Variants in FOXK2 observed in about 807,000 individuals in gnomAD.
The protein encoded by FOXK2 is forkhead box protein K2.
FOXK2 carries 24 observed loss-of-function variants against 53.3 expected under a neutral mutation model. The ratio of observed to expected loss-of-function variants is 0.45; its 90% CI spans 0.33 to 0.63. The LOEUF is 0.63. FOXK2 is among the 30% of genes least tolerant of loss of function. The pLI is 0.03. For missense variants in FOXK2, 952 were observed against 910.5 expected (o/e 1.05, Z -0.59); for synonymous variants, 505 against 407.1 (o/e 1.24, Z -2.89).
chr17:82,548,345 A>C (rs578135436), intron 1 of FOXK2, among the ~76,000 whole-genome samples: 2 of 152,128 alleles, frequency 1.3e-5, no homozygotes, highest in African/African-American at 4.8e-5. Context: ...GTGGTATGTC[A>C]GTATGTGTAT....
At position 82,538,219 on chromosome 17, in the gene FOXK2, T is replaced by C. The variant is rs145773251; in HGVS notation, c.419+17912T>C. On this transcript the variant is annotated intron_variant, in intron 1 of 8. Coordinates refer to ENST00000335255, the MANE Select transcript of FOXK2 (RefSeq NM_004514.4). Reference sequence around the variant, plus strand: ...GCCTGGGCGACTGAGCAAGACTCCGTCTGAAAAAAGAAAAAAAAGATATAG... The same window carrying C: ...GCCTGGGCGACTGAGCAAGACTCCGCCTGAAAAAAGAAAAAAAAGATATAG... Among the ~76,000 whole-genome samples the C allele has an allele frequency of 2.5e-3, 375 of 151,644 alleles. 5 individuals are homozygous for C. The East Asian group carries it at 0.059, about 24-fold the overall frequency.
chr17:82,572,293 A>C (rs1436633799), intron 4 of FOXK2, among the ~76,000 whole-genome samples: 1 of 152,228 alleles, frequency 6.6e-6, no homozygotes, highest in Non-Finnish European at 1.5e-5. Flanking sequence ...AAGTTTGCAG[A>C]GACAGTTTTC....
At position 82,603,304 on chromosome 17, in the gene FOXK2, GTCT is replaced by G. The variant is rs1419202337; in HGVS notation, c.*1810_*1812del. On this transcript the variant is annotated 3_prime_UTR_variant, in exon 9 of 9. Coordinates refer to ENST00000335255, the MANE Select transcript of FOXK2 (RefSeq NM_004514.4). Reference sequence around the variant, plus strand: ...CAGATACCTTGGAATGTATATTTTTGTCTTCTTACTCAGAAGGTTTGCAGTTTG... The same window carrying G: ...CAGATACCTTGGAATGTATATTTTTGTCTTACTCAGAAGGTTTGCAGTTTG... 1.6e-4 allele frequency: 24 copies of G among 152,356 alleles called. No individual in the cohort carries two copies. The East Asian group carries it at 3.1e-3, about 20-fold the overall frequency. 9.4% of individuals were successfully genotyped at this position (152,356 alleles called of 1,614,324 possible).
chr17:82,550,550 G>C (rs867560338), intron 1 of FOXK2, among the ~76,000 whole-genome samples: 1 of 146,788 alleles, frequency 6.8e-6, no homozygotes, highest in Admixed American at 6.9e-5. Context: ...TCCCCCAGGC[G>C]GGAGTGCAGT....
rs191045509 is a variant in FOXK2 at position 82,526,646 on chromosome 17, C to T, written c.419+6339C>T. On this transcript the variant is annotated intron_variant, in intron 1 of 8. Coordinates refer to ENST00000335255, the MANE Select transcript of FOXK2 (RefSeq NM_004514.4). Reference sequence around the variant, plus strand: ...GAGATTGAGACCATCCTGGTTAACACGGTGAAACCTCATCTCTACTAAAAA... The same window carrying T: ...GAGATTGAGACCATCCTGGTTAACATGGTGAAACCTCATCTCTACTAAAAA... 4.4e-3 allele frequency among the ~76,000 whole-genome samples: 661 copies of T among 151,940 alleles called. 2 individuals are homozygous for T. Among genetic ancestry groups the T allele is most frequent in the Middle Eastern group, 0.01 (3 of 294 alleles).
In FOXK2 at chr17:82,601,466, G is replaced by A. The variant is rs756479949; in HGVS notation, c.1950G>A (p.Pro650=). ...IVIALSVDTP[P]AAVREKGVQN ...TTGCCCTGAGCGTGGACACGCCACC[G>A]GCAGCCGTAAGGGAAAAGGGTGTCC... Residue 650 remains proline (P), a synonymous_variant, in exon 9 of 9, where the codon CCG becomes CCA. Coordinates refer to ENST00000335255, the MANE Select transcript of FOXK2 (RefSeq NM_004514.4). 12 of 1,611,162 alleles carry A rather than the reference G, an allele frequency of 7.4e-6. No individual in the cohort carries two copies. The highest frequency in any genetic ancestry group is 4.5e-5 in the East Asian group (2 of 44,834).
At chr17:82,542,159 C>T (rs1176916246) in intron 1 of FOXK2, among the ~76,000 whole-genome samples, 3 of 144,092 alleles carry the variant, frequency 2.1e-5, no homozygotes, top group African/African-American at 2.6e-5. Flanking sequence ...TTTTTTTTTT[C>T]TTCTTTCTTT....
At chr17:82,583,773 C>T (rs574605562) in intron 5 of FOXK2, among the ~76,000 whole-genome samples, 14 of 152,356 alleles carry the variant, frequency 9.2e-5, no homozygotes, top group African/African-American at 2.9e-4. Context: ...GCCCCACAGC[C>T]GTGCCGCGTA....
intron 8 of FOXK2, among the ~76,000 whole-genome samples, chr17:82,589,023 A>G (rs2045227335): frequency 6.6e-6 from 1 of 151,918 alleles, no homozygotes; most frequent in Non-Finnish European, 1.5e-5. Context: ...ATGCCACTGC[A>G]CTCCAGCCCG....
At chr17:82,598,962 G>A (rs994519714) in intron 8 of FOXK2, 1 of 152,316 alleles carries the variant, frequency 6.6e-6, no homozygotes. Context: ...TCCGGGTCAC[G>A]TGGGTGGGCT....
At chr17:82,575,753 G>T (rs1411803340) in intron 4 of FOXK2, among the ~76,000 whole-genome samples, 1 of 152,190 alleles carries the variant, frequency 6.6e-6, no homozygotes, top group African/African-American at 2.4e-5. Context: ...CTCAAGCTGG[G>T]CTTGAGTAAC....
At position 82,563,746 on chromosome 17, in the gene FOXK2, A is replaced by G. The variant is rs561697809; in HGVS notation, c.614+198A>G. On this transcript the variant is annotated intron_variant, in intron 2 of 8. Coordinates refer to ENST00000335255, the MANE Select transcript of FOXK2 (RefSeq NM_004514.4). ...AAAGGTTCCTGGTTTTTATTTACTC[A>G]TTCCCTTTTTTTTTTTTTTTTTTGA... Among the ~76,000 whole-genome samples the G allele has an allele frequency of 4.1e-4, 51 of 125,658 alleles. 1 individual carries two copies. The highest frequency in any genetic ancestry group is 1.6e-3 in the African/African-American group (48 of 30,634). 82.4% of individuals were successfully genotyped at this position (125,658 alleles called of 152,430 possible). A position where few individuals can be genotyped will look rare whatever the true frequency, so the allele number is the denominator to read the frequency against.
chr17:82,520,349 C>T (rs1351766451), intron 1 of FOXK2, 42 bp downstream of exon 1: 2 of 1,233,382 alleles, frequency 1.6e-6, no homozygotes, highest in Non-Finnish European at 2.0e-6. Context: ...CTGCGGCCTG[C>T]AGCGCCTGGC....
At chr17:82,571,966 G>GTACC (rs1472602837) in intron 4 of FOXK2, 96 bp downstream of exon 4, 2 of 1,273,316 alleles carry the variant, frequency 1.6e-6, no homozygotes, top group East Asian at 5.7e-5. Flanking sequence ...GGATAGGAAG[G>GTACC]TAGAAGGGGG....
chr17:82,545,078 C>T (rs1197132520), intron 1 of FOXK2, among the ~76,000 whole-genome samples: 1 of 152,128 alleles, frequency 6.6e-6, no homozygotes, highest in Non-Finnish European at 1.5e-5. Context: ...AGTGGTTTCT[C>T]ACTTGGACTT....
At chr17:82,549,403 C>T (rs2144088716) in intron 1 of FOXK2, among the ~76,000 whole-genome samples, 1 of 151,918 alleles carries the variant, frequency 6.6e-6, no homozygotes, top group African/African-American at 2.4e-5. Context: ...GCCAAACCCC[C>T]AAAATTATTC....
At chr17:82,560,001 C>CTTTT (rs10583366) in intron 1 of FOXK2, among the ~76,000 whole-genome samples, 2 of 97,574 alleles carry the variant, frequency 2.0e-5, no homozygotes, top group African/African-American at 3.8e-5. Context: ...TCTGGATAGA[C>CTTTT]TTTTTTTTTT....
intron 1 of FOXK2, among the ~76,000 whole-genome samples, chr17:82,550,709 G>C (rs1211647733): frequency 6.6e-6 from 1 of 151,938 alleles, no homozygotes; most frequent in Non-Finnish European, 1.5e-5. Flanking sequence ...GTTTCACCAT[G>C]TTAGCCAGGA....
chr17:82,544,497 A>G (rs947864865), intron 1 of FOXK2, among the ~76,000 whole-genome samples: 4 of 152,166 alleles, frequency 2.6e-5, no homozygotes, highest in Admixed American at 1.3e-4. Flanking sequence ...GGATTTTACA[A>G]CAGTAGCACA....
Sources: gnomAD v4.1 joint callset for allele counts (sites outside exome capture counted in the v4.1 genomes callset) on GRCh38, gnomAD v4.1.1 for gene constraint, MANE v1.5 for transcripts, NCBI Gene and HGNC (gene_info 2026-07-23, HGNC 2026-07-21) for gene names.